The following SDK1 variants were observed in gnomAD, a reference collection of about 807,000 sequenced individuals.
SDK1 encodes the protein sidekick cell adhesion molecule 1.
Under a neutral mutation model 245.5 loss-of-function variants are expected in SDK1, and 157 were observed. The ratio of observed to expected loss-of-function variants is 0.64; its 90% confidence interval spans 0.56 to 0.73. The LOEUF is 0.73. SDK1 is among the 30% of genes least tolerant of loss of function. The pLI is 0.00. For synonymous variants in SDK1, 1,647 were observed against 1,278.5 expected, an observed-to-expected ratio of 1.29 and a Z score of -6.15; for missense variants, 3,583 against 3,002.3, an observed-to-expected ratio of 1.19 and a Z score of -4.52.
chr7:3,954,489 C>T (rs367578887), intron 7 of SDK1, among the ~76,000 whole-genome samples: 2 of 10,986 alleles, frequency 1.8e-4, no homozygotes, highest in South Asian at 2.8e-3. Flanking sequence ...CCACCCTCCC[C>T]CCTCCCCTCC....
intron 4 of SDK1, among the ~76,000 whole-genome samples, chr7:3,807,335 A>G (rs1477879339): frequency 6.6e-6 from 1 of 152,172 alleles, no homozygotes; most frequent in East Asian, 1.9e-4. Context: ...TAACGCTGAC[A>G]CACATAACTC....
At chr7:3,392,592 A>G (rs996292124) in intron 1 of SDK1, among the ~76,000 whole-genome samples, 13 of 152,136 alleles carry the variant, frequency 8.5e-5, no homozygotes, top group Non-Finnish European at 1.8e-4. Context: ...AGAAACTGCA[A>G]CTTCTAAGCA....
chr7:4,175,879 A>G (rs754214758), intron 34 of SDK1, 45 bp downstream of exon 34: 8 of 1,555,830 alleles, frequency 5.1e-6, no homozygotes, highest in African/African-American at 2.7e-5. Context: ...AGGCGCACAC[A>G]CTGTGCCCAG....
intron 1 of SDK1, among the ~76,000 whole-genome samples, chr7:3,587,069 C>T (rs1420902875): frequency 6.6e-6 from 1 of 152,104 alleles, no homozygotes; most frequent in African/African-American, 2.4e-5. Flanking sequence ...GAGGCCCTGT[C>T]AGAGAGTGAT....
chr7:4,191,594 G>T (rs995807437), intron 35 of SDK1, among the ~76,000 whole-genome samples: 1 of 152,254 alleles, frequency 6.6e-6, no homozygotes, highest in Admixed American at 6.5e-5. Context: ...GAGCCCTGAG[G>T]TACGGGCCTG....
At chr7:3,480,252 G>C (rs1781473754) in intron 1 of SDK1, among the ~76,000 whole-genome samples, 2 of 152,164 alleles carry the variant, frequency 1.3e-5, no homozygotes, top group African/African-American at 2.4e-5. Flanking sequence ...TGTGAAGATG[G>C]AAGGGGGCGT....
At chr7:3,825,961 G>A (rs777289238) in intron 5 of SDK1, among the ~76,000 whole-genome samples, 2 of 152,160 alleles carry the variant, frequency 1.3e-5, no homozygotes, top group Non-Finnish European at 2.9e-5. Context: ...TTAGAACCAA[G>A]CATAGTTTTA....
intron 4 of SDK1, among the ~76,000 whole-genome samples, chr7:3,778,622 G>T (rs909631743): frequency 3.3e-5 from 5 of 152,292 alleles, no homozygotes; most frequent in Non-Finnish European, 7.4e-5. Context: ...AGCACTTCAC[G>T]TATGCTTATA....
At chr7:4,168,221 AC>A (rs1209070376) in intron 32 of SDK1, among the ~76,000 whole-genome samples, 1 of 151,624 alleles carries the variant, frequency 6.6e-6, no homozygotes, top group African/African-American at 2.4e-5. Context: ...GGCCGCCTGG[AC>A]CCCCTCCCCA....
intron 14 of SDK1, among the ~76,000 whole-genome samples, chr7:3,989,219 A>C (rs912358597): frequency 6.6e-6 from 1 of 152,244 alleles, no homozygotes; most frequent in Non-Finnish European, 1.5e-5. Flanking sequence ...GGAAAGCCTC[A>C]CAATCATGGT....
Position 3,377,131 on chromosome 7 carries a change from G to T in SDK1, c.298+75247G>T, listed in dbSNP as rs1583766978. ...TTCTTTTAGGATTCTGTTCTGTAGTGGGTGTATAGCTGTTCAATCTCTCTG... is the reference window on the plus strand; with the variant it reads ...TTCTTTTAGGATTCTGTTCTGTAGTTGGTGTATAGCTGTTCAATCTCTCTG... On this transcript the variant is annotated intron_variant, in intron 1 of 44. Transcript: ENST00000404826. 2.0e-5 allele frequency among the ~76,000 whole-genome samples: 3 copies of T among 152,240 alleles called. No individual in the cohort carries two copies. In the South Asian group the frequency reaches 6.2e-4, roughly 32 times the overall value.
chr7:3,498,423 T>A (rs1782090140), intron 1 of SDK1, among the ~76,000 whole-genome samples: 1 of 152,212 alleles, frequency 6.6e-6, no homozygotes, highest in Non-Finnish European at 1.5e-5. Flanking sequence ...TTTTCTCATC[T>A]ATAAAATGAA....
chr7:3,467,209 A>G (rs1190290049), intron 1 of SDK1, among the ~76,000 whole-genome samples: 1 of 152,118 alleles, frequency 6.6e-6, no homozygotes, highest in Non-Finnish European at 1.5e-5. Flanking sequence ...GTACTACTTT[A>G]CAATATTAAA....
At chr7:4,190,755 C>A (rs1340546567) in intron 35 of SDK1, among the ~76,000 whole-genome samples, 5 of 152,252 alleles carry the variant, frequency 3.3e-5, no homozygotes, top group African/African-American at 1.2e-4. Flanking sequence ...GCAGCATACG[C>A]TATCCCGGGA....
chr7:4,170,357 G>A (rs983708247), intron 32 of SDK1, among the ~76,000 whole-genome samples: 2 of 152,136 alleles, frequency 1.3e-5, no homozygotes, highest in African/African-American at 4.8e-5. Flanking sequence ...TGAGGCAGGA[G>A]GATCGCTTGA....
At chr7:3,840,873 C>T (rs1449469304) in intron 5 of SDK1, among the ~76,000 whole-genome samples, 2 of 152,210 alleles carry the variant, frequency 1.3e-5, no homozygotes, top group Non-Finnish European at 2.9e-5. Flanking sequence ...GTCCAGGAAT[C>T]TGTGTTTTAT....
chr7:4,202,440 G>A (rs1748629969), intron 35 of SDK1, among the ~76,000 whole-genome samples: 3 of 152,190 alleles, frequency 2.0e-5, no homozygotes, highest in African/African-American at 7.2e-5. Context: ...TGACTGGCCA[G>A]CCTCAGGGCT....
intron 14 of SDK1, among the ~76,000 whole-genome samples, chr7:4,003,476 A>G (rs151009092): frequency 1.1e-4 from 17 of 152,262 alleles, no homozygotes; most frequent in Non-Finnish European, 2.1e-4. Flanking sequence ...TCTCTCCCTG[A>G]TGACGTCTTT....
At chr7:4,029,979 A>G (rs886677576) in intron 17 of SDK1, among the ~76,000 whole-genome samples, 1 of 152,254 alleles carries the variant, frequency 6.6e-6, no homozygotes, top group African/African-American at 2.4e-5. Flanking sequence ...GTCACCAGTT[A>G]TAACACTTGG....
Sources: allele counts gnomAD v4.1 joint callset (sites outside exome capture counted in the v4.1 genomes callset), GRCh38; gene constraint gnomAD v4.1.1; transcripts MANE v1.5; gene names NCBI Gene and HGNC (gene_info 2026-07-23, HGNC 2026-07-21).